Variants in EDA observed in about 807,000 individuals in gnomAD.
EDA encodes the protein ectodysplasin A, also known as ectodysplasin-A.
Under a neutral mutation model 23.6 loss-of-function variants are expected in EDA, and 2 were observed. That is an observed-to-expected ratio of 0.08 (90% confidence interval 0.03 to 0.27). EDA has a LOEUF of 0.27. EDA is among the 10% of genes least tolerant of loss of function. The pLI is 1.00. For missense variants in EDA, 229 were observed against 324.2 expected, an observed-to-expected ratio of 0.71 and a Z score of 2.26; for synonymous variants, 131 against 132.0, an observed-to-expected ratio of 0.99 and a Z score of 0.05.
At chrX:69,649,787 A>G (rs1042691283) in intron 1 of EDA, among the ~76,000 whole-genome samples, 2 of 110,917 alleles carry the variant, frequency 1.8e-5, no homozygotes, top group Admixed American at 1.9e-4. Flanking sequence ...GGGTTTCACC[A>G]TGTTGGCCAG....
intron 1 of EDA, among the ~76,000 whole-genome samples, chrX:69,665,126 A>G (rs1025274168): frequency 4.5e-5 from 5 of 112,140 alleles, no homozygotes; most frequent in Non-Finnish European, 9.4e-5. Flanking sequence ...AGAAATGTCT[A>G]TTCAGGTCTT....
intron 2 of EDA, among the ~76,000 whole-genome samples, chrX:69,995,434 C>A (rs1413190122): frequency 8.9e-6 from 1 of 112,275 alleles, no homozygotes; most frequent in Non-Finnish European, 1.9e-5. Context: ...AGTGAAGTCA[C>A]CAGGTCTTCC....
intron 1 of EDA, chrX:69,861,313 G>A (rs188930973): frequency 1.6e-3 from 237 of 145,233 alleles, no homozygotes; most frequent in Non-Finnish European, 2.6e-3. Context: ...ACCAGCAGGG[G>A]ATGATCCAAG....
intron 1 of EDA, among the ~76,000 whole-genome samples, chrX:69,913,302 C>T (rs994474642): frequency 8.9e-6 from 1 of 112,354 alleles, no homozygotes; most frequent in African/African-American, 3.2e-5. Flanking sequence ...ATGTAGCAAC[C>T]TTCATCAATT....
At chrX:69,704,508 A>AGG (rs1202061323) in intron 1 of EDA, among the ~76,000 whole-genome samples, 1 of 109,615 alleles carries the variant, frequency 9.1e-6, no homozygotes, top group African/African-American at 3.3e-5. Context: ...GAATTTCAAA[A>AGG]GGGGGGAGGG....
At chrX:70,018,420 T>C (rs902373296) in intron 2 of EDA, among the ~76,000 whole-genome samples, 6 of 112,184 alleles carry the variant, frequency 5.3e-5, no homozygotes, top group Non-Finnish European at 1.1e-4. Flanking sequence ...AGAACAAAGC[T>C]GGAGGCATCA....
intron 1 of EDA, among the ~76,000 whole-genome samples, chrX:69,789,193 C>T (rs1220272631): frequency 5.4e-5 from 6 of 111,143 alleles, no homozygotes; most frequent in Non-Finnish European, 9.5e-5. Flanking sequence ...CCCACTGTCT[C>T]GCACTCCCTA....
At chrX:69,866,812 G>A (rs1478858882) in intron 1 of EDA, among the ~76,000 whole-genome samples, 1 of 111,986 alleles carries the variant, frequency 8.9e-6, no homozygotes, top group East Asian at 2.8e-4. Flanking sequence ...CCATGAGCAT[G>A]AGCCTACTGC....
intron 2 of EDA, among the ~76,000 whole-genome samples, chrX:69,959,825 G>C (rs2019073380): frequency 9.0e-6 from 1 of 111,730 alleles, no homozygotes; most frequent in Non-Finnish European, 1.9e-5. Flanking sequence ...TTTGGGAAGA[G>C]ACCTGAATGA....
intron 1 of EDA, among the ~76,000 whole-genome samples, chrX:69,728,630 A>T (rs2147353868): frequency 8.9e-6 from 1 of 111,986 alleles, no homozygotes; most frequent in African/African-American, 3.2e-5. Context: ...TAAGCAGGAG[A>T]GTGTACAAAC....
chrX:70,031,746 C>T (rs939105289), intron 6 of EDA, among the ~76,000 whole-genome samples: 1 of 112,582 alleles, frequency 8.9e-6, no homozygotes, highest in African/African-American at 3.2e-5. Flanking sequence ...CCAATTGGTC[C>T]TGCTGGGGAC....
chrX:69,748,772 G>A (rs1056411618), intron 1 of EDA, among the ~76,000 whole-genome samples: 2 of 111,162 alleles, frequency 1.8e-5, no homozygotes, highest in African/African-American at 6.6e-5. Flanking sequence ...TGTAAAATAA[G>A]GATGTAGAGC....
chrX:69,931,488 G>A (rs2018597527), intron 1 of EDA, among the ~76,000 whole-genome samples: 1 of 111,289 alleles, frequency 9.0e-6, no homozygotes, highest in African/African-American at 3.3e-5. Context: ...AAACCAGCCT[G>A]GGCAACATAG....
intron 1 of EDA, among the ~76,000 whole-genome samples, chrX:69,802,600 A>T (rs1236785184): frequency 9.0e-6 from 1 of 110,921 alleles, no homozygotes; most frequent in Non-Finnish European, 1.9e-5. Context: ...ATTGGATTGG[A>T]TTTAGAGTCA....
intron 1 of EDA, among the ~76,000 whole-genome samples, chrX:69,755,751 G>C (rs986094640): frequency 8.9e-6 from 1 of 112,401 alleles, no homozygotes; most frequent in African/African-American, 3.2e-5. Flanking sequence ...ACCTACTCAA[G>C]CCTCAGCAAT....
At chrX:69,999,624 A>AG (rs1366607539) in intron 2 of EDA, among the ~76,000 whole-genome samples, 6 of 108,684 alleles carry the variant, frequency 5.5e-5, no homozygotes, top group East Asian at 2.8e-4. Flanking sequence ...CTCAGAGAAA[A>AG]AAAAAAAAAA....
intron 2 of EDA, among the ~76,000 whole-genome samples, chrX:69,973,372 G>T (rs913284094): frequency 9.0e-6 from 1 of 111,629 alleles, no homozygotes; most frequent in Non-Finnish European, 1.9e-5. Context: ...GGAACCTTCA[G>T]CAGTAGGGCC....
At chrX:69,752,330 A>G (rs1448304532) in intron 1 of EDA, among the ~76,000 whole-genome samples, 2 of 111,667 alleles carry the variant, frequency 1.8e-5, no homozygotes, top group East Asian at 2.8e-4. Context: ...ATCTATTGTG[A>G]TAATCATGTG....
intron 2 of EDA, among the ~76,000 whole-genome samples, chrX:69,982,843 T>C (rs1449675483): frequency 3.7e-5 from 3 of 80,689 alleles, no homozygotes; most frequent in Non-Finnish European, 7.1e-5. Context: ...ATCTGTCTAA[T>C]GTTGACAGTG....
Sources: allele counts gnomAD v4.1 joint callset (sites outside exome capture counted in the v4.1 genomes callset), GRCh38; gene constraint gnomAD v4.1.1; transcripts MANE v1.5; gene names NCBI Gene and HGNC (gene_info 2026-07-23, HGNC 2026-07-21).